Variants in TRPV1 observed in about 807,000 individuals in gnomAD.
TRPV1 encodes the protein OTRPC1.
Under a neutral mutation model 82.3 loss-of-function variants are expected in TRPV1, and 82 were observed. The observed-to-expected ratio is 1.00, with a 90% confidence interval of 0.83 to 1.20. The LOEUF (loss-of-function observed/expected upper bound fraction) is 1.20. Among genes scored for constraint, TRPV1 ranks in the 50% most tolerant of loss-of-function variants. The pLI is 0.00. For synonymous variants in TRPV1, 515 were observed against 467.7 expected, an observed-to-expected ratio of 1.10 and a Z score of -1.30; for missense variants, 1,067 against 1,096.8, an observed-to-expected ratio of 0.97 and a Z score of 0.38.
rs767363791 is a variant in TRPV1, at chr17:3,588,239, G to A, written c.1173C>T (p.Cys391=). 3.8e-6 allele frequency: 6 copies of A among 1,580,094 alleles called. No individual in the cohort carries two copies. Among genetic ancestry groups the A allele is most frequent in the South Asian group, 2.3e-5 (2 of 85,844 alleles). Residue 391 remains cysteine (C), a synonymous_variant, in exon 8 of 17, where the codon TGC becomes TGT. Coordinates refer to ENST00000572705, the MANE Select transcript of TRPV1 (RefSeq NM_080704.4). ...SLYDLSCIDT[C]EKNSVLEVIA... Reference sequence around the variant, plus strand: ...TCACCTCCAGCACCGAGTTCTTCTCGCAGGTGTCGATGCAGGACAGGTCGT... The same window carrying A: ...TCACCTCCAGCACCGAGTTCTTCTCACAGGTGTCGATGCAGGACAGGTCGT...
At chr17:3,586,070 C>T (rs1597535310) in intron 8 of TRPV1, 144 bp from the exon 9 acceptor site, 3 of 1,079,042 alleles carry the variant, frequency 2.8e-6, no homozygotes, top group East Asian at 2.6e-5. Context: ...TCTGAGCCAG[C>T]CGGCAGCCAT....
In TRPV1 at chr17:3,580,654, AG is replaced by A; in HGVS notation, c.1477-128del. 11 of 974,632 alleles carry A rather than the reference AG, an allele frequency of 1.1e-5. 1 individual carries two copies. The South Asian group carries it at 1.3e-4, about 12-fold the overall frequency. 60.4% of individuals were successfully genotyped at this position (974,632 alleles called of 1,614,324 possible). A position where few individuals can be genotyped will look rare whatever the true frequency, so the allele number is the denominator to read the frequency against. On this transcript the variant is annotated intron_variant, in intron 10 of 16. Coordinates refer to ENST00000572705, the MANE Select transcript of TRPV1 (RefSeq NM_080704.4). ...ATGTGTGAAAGCACAGATTGTGAAAAGAGCAGAACAGCAAGGGTCAGGCCAA... is the reference window on the plus strand; with the variant it reads ...ATGTGTGAAAGCACAGATTGTGAAAAAGCAGAACAGCAAGGGTCAGGCCAA...
At position 3,566,107 on chromosome 17, in the gene TRPV1, A is replaced by G. The variant is rs402369; in HGVS notation, c.*708T>C. 142,664 of 151,800 alleles carry G rather than the reference A, an allele frequency of 0.94. 67,158 individuals are homozygous for G. Among genetic ancestry groups the G allele is most frequent in the Admixed American group, 0.97 (14,803 of 15,230 alleles). 9.4% of individuals were successfully genotyped at this position (151,800 alleles called of 1,614,324 possible). A position where few individuals can be genotyped will look rare whatever the true frequency, so the allele number is the denominator to read the frequency against. On this transcript the variant is annotated 3_prime_UTR_variant, in exon 17 of 17. Transcript: ENST00000572705. ...GAATCGCTTGAACCCGGGAGGCAGA[A>G]GTTGCAGTGAGCCAAGATCACACCA...
chr17:3,583,272 G>A (rs760422598), intron 10 of TRPV1, 66 bp downstream of exon 10: 125 of 1,366,624 alleles, frequency 9.1e-5, no homozygotes, highest in Non-Finnish European at 1.3e-4. Context: ...AGTGAGCGCT[G>A]AGGGATCTTC....
At chr17:3,575,142 C>G (rs963397139) in intron 13 of TRPV1, among the ~76,000 whole-genome samples, 3 of 152,126 alleles carry the variant, frequency 2.0e-5, no homozygotes, top group Non-Finnish European at 4.4e-5. Context: ...TAGCTCTTCT[C>G]TATAACAGAA....
chr17:3,570,372 G>GAA (rs71153372), intron 16 of TRPV1, among the ~76,000 whole-genome samples: 3 of 133,102 alleles, frequency 2.3e-5, no homozygotes, highest in Admixed American at 7.5e-5. Flanking sequence ...TCCATCTCAG[G>GAA]AAAAAAAAAA....
intron 6 of TRPV1, 67 bp downstream of exon 6, chr17:3,590,185 T>C (rs2075139033): frequency 6.3e-7 from 1 of 1,593,916 alleles, no homozygotes. Flanking sequence ...AAACTCCCTC[T>C]GTCTCTGCCC....
chr17:3,571,157 C>T (rs2074846985), intron 16 of TRPV1, among the ~76,000 whole-genome samples: 1 of 152,196 alleles, frequency 6.6e-6, no homozygotes, highest in East Asian at 1.9e-4. Flanking sequence ...GCTAGGACGT[C>T]GCATGCACAC....
chr17:3,606,149 C>CG (rs1259333966), intron 2 of TRPV1, among the ~76,000 whole-genome samples: 1 of 152,028 alleles, frequency 6.6e-6, no homozygotes, highest in Non-Finnish European at 1.5e-5. Flanking sequence ...TTAGTAGAGA[C>CG]GGGGTTTCAC....
At chr17:3,569,998 G>A (rs1051883553) in intron 16 of TRPV1, among the ~76,000 whole-genome samples, 31 of 149,768 alleles carry the variant, frequency 2.1e-4, no homozygotes, top group Admixed American at 4.0e-4. Context: ...TCAGGGAGGA[G>A]GGGCCAAGCG....
rs1360764436 is a variant in TRPV1 at position 3,577,755 on chromosome 17, T to TGCAGAAAGCTGCGGGTGGAGGG, written c.1548-14_1555dup (p.Gln519ProfsTer89). 2 of 1,590,108 alleles carry TGCAGAAAGCTGCGGGTGGAGGG rather than the reference T, an allele frequency of 1.3e-6. No individual in the cohort carries two copies. Among genetic ancestry groups the TGCAGAAAGCTGCGGGTGGAGGG allele is most frequent in the South Asian group, 1.1e-5 (1 of 87,162 alleles). On this transcript the variant is annotated frameshift_variant, in exon 12 of 17. Coordinates refer to ENST00000572705, the MANE Select transcript of TRPV1 (RefSeq NM_080704.4). LOFTEE classifies it high-confidence loss of function. ...CACGGTGGCCAGCATGAACAGTGAC[T>TGCAGAAAGCTGCGGGTGGAGGG]GCAGAAAGCTGCGGGTGGAGGGGCA...
At chr17:3,572,377 T>A in intron 14 of TRPV1, 128 bp from the exon 15 acceptor site, 1 of 1,150,614 alleles carries the variant, frequency 8.7e-7, no homozygotes, top group Non-Finnish European at 1.2e-6. Flanking sequence ...GGTTGTCCAG[T>A]GCCCTCCACG....
intron 10 of TRPV1, among the ~76,000 whole-genome samples, chr17:3,582,205 A>AAAAAAAAAAAAAG (rs1567665068): frequency 6.9e-6 from 1 of 145,578 alleles, no homozygotes; most frequent in Non-Finnish European, 1.5e-5. Context: ...AAAAAAAAAA[A>AAAAAAAAAAAAAG]AAAAAAAAAT....
At chr17:3,586,891 C>T (rs773646162) in intron 8 of TRPV1, among the ~76,000 whole-genome samples, 1 of 152,190 alleles carries the variant, frequency 6.6e-6, no homozygotes, top group African/African-American at 2.4e-5. Context: ...CAAACTTAAG[C>T]TCCCTCAAAG....
chr17:3,590,157 C>T lies in TRPV1; in HGVS notation c.746-52G>A, dbSNP rs2075138687. 4.4e-6 allele frequency: 7 copies of T among 1,585,308 alleles called. No individual in the cohort carries two copies. The East Asian group carries it at 6.7e-5, about 15-fold the overall frequency. On this transcript the variant is annotated intron_variant, in intron 6 of 16. Coordinates refer to ENST00000572705, the MANE Select transcript of TRPV1 (RefSeq NM_080704.4). ...CCTCAGGAGTGAGATCCAGCTGGCCCCTGAACCACCGGCCTCCAAACTCCC... is the reference window on the plus strand; with the variant it reads ...CCTCAGGAGTGAGATCCAGCTGGCCTCTGAACCACCGGCCTCCAAACTCCC...
At chr17:3,588,827 A>AAAC in intron 7 of TRPV1, 1 of 1,272,708 alleles carries the variant, frequency 7.9e-7, no homozygotes, top group Non-Finnish European at 1.0e-6. Context: ...AAAAAAAAAA[A>AAAC]AAACAAAACA....
intron 2 of TRPV1, chr17:3,592,727 T>G: frequency 4.7e-6 from 1 of 213,672 alleles, no homozygotes; most frequent in Non-Finnish European, 9.4e-6. Flanking sequence ...GTGAGGTTGA[T>G]AACCACCGCG....
Position 3,592,136 on chromosome 17 carries a change from G to C in TRPV1, c.215C>G (p.Ser72Cys). Residue 72 changes from serine to cysteine, a missense_variant, in exon 3 of 17, where the codon TCC (serine) becomes TGC (cysteine). Physicochemically the swap from Ser to Cys is moderately radical, Grantham distance 112 (BLOSUM62 -1). Coordinates refer to ENST00000572705, the MANE Select transcript of TRPV1 (RefSeq NM_080704.4). ...AGGGCTGACTGTGATGGTCGGGCAG[G>C]AGTCCAGCTCACCTTCCTCGTGAGG... ...DCPHEEGELD[S>C]CPTITVSPVI... The C allele has an allele frequency of 1.1e-5, 18 of 1,613,924 alleles. No individual in the cohort carries two copies. Among genetic ancestry groups the C allele is most frequent in the Non-Finnish European group, 1.2e-5 (14 of 1,179,868 alleles).
intron 13 of TRPV1, among the ~76,000 whole-genome samples, chr17:3,576,668 A>AAAAAAAAAAAAAAAAACATATAT: frequency 2.6e-5 from 1 of 38,390 alleles, no homozygotes; most frequent in Non-Finnish European, 5.3e-5. Flanking sequence ...AAAAAAAAAA[A>AAAAAAAAAAAAAAAAACATATAT]ATATATATAT....
Sources: gnomAD v4.1 joint callset for allele counts (sites outside exome capture counted in the v4.1 genomes callset) on GRCh38, gnomAD v4.1.1 for gene constraint, MANE v1.5 for transcripts, NCBI Gene and HGNC (gene_info 2026-07-23, HGNC 2026-07-21) for gene names.